ADAMTS18: variants seen among roughly 807,000 people sequenced by gnomAD.
The protein encoded by ADAMTS18 is ADAM metallopeptidase with thrombospondin type 1 motif 18.
Under a neutral mutation model 165.9 loss-of-function variants are expected in ADAMTS18, and 157 were observed. That is an observed-to-expected ratio of 0.95 (90% CI 0.83 to 1.08). The LOEUF (loss-of-function observed/expected upper bound fraction) is 1.08, where lower values mean the gene tolerates loss of function less well. ADAMTS18 is among the 50% of genes least tolerant of loss of function. ADAMTS18 has a pLI of 0.00. For missense variants in ADAMTS18, 2,040 were observed against 1,534.0 expected, an observed-to-expected ratio of 1.33 and a Z score of -5.51; for synonymous variants, 782 against 578.2, an observed-to-expected ratio of 1.35 and a Z score of -5.06.
rs1002853670 is a variant in ADAMTS18, at chr16:77,321,068, G to A, written c.2287+11C>T. ...ATCTCATTAACAATAACAAACAGCA[G>A]CATCTCTCACCATTTGCTTTATGCT... is the stretch of plus-strand genomic sequence containing the variant. On this transcript the variant is annotated intron_variant, in intron 15 of 22. Transcript: ENST00000282849. 1 of 1,614,128 alleles carries A rather than the reference G, an allele frequency of 6.2e-7. No homozygotes were observed. The highest frequency in any genetic ancestry group is 2.2e-5 in the East Asian group (1 of 44,874).
At chr16:77,362,006 G>C (rs74422079) in intron 7 of ADAMTS18, 99 bp downstream of exon 7, 3 of 1,333,598 alleles carry the variant, frequency 2.2e-6, no homozygotes, top group Non-Finnish European at 2.1e-6. Context: ...TATTATGTCT[G>C]TTTATTAAGG....
chr16:77,283,792 G>C lies in ADAMTS18; in HGVS notation c.*164C>G. 1 of 625,654 alleles carries C rather than the reference G, an allele frequency of 1.6e-6. No individual in the cohort carries two copies. The highest frequency in any genetic ancestry group is 2.9e-6 in the Non-Finnish European group (1 of 348,860). 38.8% of individuals were successfully genotyped at this position (625,654 alleles called of 1,614,324 possible). ...CCACGTGCTTCAGGGAATTGAGCTA[G>C]AAGCCTACTGGCAACCTGTCTGTTC... is the stretch of plus-strand genomic sequence containing the variant. On this transcript the variant is annotated 3_prime_UTR_variant, in exon 23 of 23. Coordinates refer to ENST00000282849, the MANE Select transcript of ADAMTS18 (RefSeq NM_199355.4).
At position 77,364,177 on chromosome 16, in the gene ADAMTS18, C is replaced by T. The variant is rs1001548466; in HGVS notation, c.972+11G>A. On this transcript the variant is annotated intron_variant, in intron 5 of 22. Coordinates refer to ENST00000282849, the MANE Select transcript of ADAMTS18 (RefSeq NM_199355.4). Reference sequence around the variant, plus strand: ...TTGGAGAGCCAGAAGGTTTGTGACACCCCCGCTTACCATGTTCATTACTGT... The same window carrying T: ...TTGGAGAGCCAGAAGGTTTGTGACATCCCCGCTTACCATGTTCATTACTGT... 6.2e-6 allele frequency: 10 copies of T among 1,613,988 alleles called. No individual in the cohort carries two copies. Among genetic ancestry groups the T allele is most frequent in the Non-Finnish European group, 8.5e-6 (10 of 1,179,952 alleles).
chr16:77,423,946 C>T (rs945076140), intron 3 of ADAMTS18, among the ~76,000 whole-genome samples: 2 of 152,158 alleles, frequency 1.3e-5, no homozygotes, highest in Non-Finnish European at 1.5e-5. Flanking sequence ...CTTCAATGGC[C>T]ATTTCCTTCC....
At chr16:77,364,524 C>T in intron 4 of ADAMTS18, 143 bp from the exon 5 acceptor site, 1 of 886,264 alleles carries the variant, frequency 1.1e-6, no homozygotes. Context: ...CTATCAGTGC[C>T]TGCCCAGGTG....
chr16:77,336,301 T>A (rs1341435871), intron 11 of ADAMTS18, among the ~76,000 whole-genome samples: 1 of 152,170 alleles, frequency 6.6e-6, no homozygotes, highest in East Asian at 1.9e-4. Flanking sequence ...AAGAAACAGT[T>A]AAGATATTAA....
intron 22 of ADAMTS18, 62 bp downstream of exon 22, chr16:77,289,202 G>A: frequency 6.3e-7 from 1 of 1,596,634 alleles, no homozygotes; most frequent in East Asian, 2.2e-5. Context: ...TACTAACAAA[G>A]TAGCCTTTGA....
chr16:77,305,388 A>C lies in ADAMTS18; in HGVS notation c.2533-4984T>G, dbSNP rs11864597. 3.0e-3 allele frequency among the ~76,000 whole-genome samples: 456 copies of C among 152,296 alleles called. 4 individuals carry two copies. The highest frequency in any genetic ancestry group is 0.01 in the African/African-American group (417 of 41,552). ...AAAAATCAGAATTTTCTCAAATCAA[A>C]TCCACCCTCAAAAACTGCTACATAA... On this transcript the variant is annotated intron_variant, in intron 16 of 22. Transcript: ENST00000282849.
rs181933682 is a variant in ADAMTS18, at chr16:77,284,417, C to T, written c.3551-346G>A. Among the ~76,000 whole-genome samples, 140 of 152,156 alleles carry T rather than the reference C, an allele frequency of 9.2e-4. 1 individual carries two copies. Among genetic ancestry groups the T allele is most frequent in the Non-Finnish European group, 1.4e-3 (92 of 67,998 alleles). Reference sequence around the variant, plus strand: ...TACTGGGATTACAGGTGTGATCCACCGGGCCCAGCCTTTGGTGATTTGCAT... The same window carrying T: ...TACTGGGATTACAGGTGTGATCCACTGGGCCCAGCCTTTGGTGATTTGCAT... On this transcript the variant is annotated intron_variant, in intron 22 of 22. Transcript: ENST00000282849.
At chr16:77,364,093 C>G in intron 5 of ADAMTS18, 95 bp downstream of exon 5, 1 of 1,511,694 alleles carries the variant, frequency 6.6e-7, no homozygotes, top group Non-Finnish European at 9.2e-7. Context: ...TACATTTGCA[C>G]CGACCTAATA....
chr16:77,382,750 A>G (rs914027078), intron 3 of ADAMTS18, among the ~76,000 whole-genome samples: 9 of 152,228 alleles, frequency 5.9e-5, no homozygotes, highest in Non-Finnish European at 1.2e-4. Context: ...CCAAGACGAC[A>G]GCTAGCATGT....
At chr16:77,364,049 T>A (rs911510419) in intron 5 of ADAMTS18, 139 bp downstream of exon 5, 7 of 1,288,510 alleles carry the variant, frequency 5.4e-6, no homozygotes, top group Non-Finnish European at 7.8e-6. Context: ...AAACCACATA[T>A]GTAGCTATTA....
At chr16:77,411,676 A>ATTTTT (rs1250113354) in intron 3 of ADAMTS18, among the ~76,000 whole-genome samples, 1 of 101,404 alleles carries the variant, frequency 9.9e-6, no homozygotes, top group Non-Finnish European at 2.1e-5. Flanking sequence ...GAGTATCCAG[A>ATTTTT]ATTTTTTTTT....
intron 16 of ADAMTS18, among the ~76,000 whole-genome samples, chr16:77,304,382 G>C (rs2055644158): frequency 1.3e-5 from 2 of 151,982 alleles, no homozygotes. Flanking sequence ...GGCTGCTTGA[G>C]CTCAGGAGTT....
chr16:77,295,382 TTTAAAATCTG>T (rs2055449571), intron 18 of ADAMTS18, among the ~76,000 whole-genome samples: 1 of 95,532 alleles, frequency 1.0e-5, no homozygotes. Flanking sequence ...TACATGCCAC[TTTAAAATCTG>T]CACAATTCAT....
chr16:77,353,918 C>T (rs1463332000), intron 9 of ADAMTS18, 32 bp from the exon 10 acceptor site: 1 of 1,613,610 alleles, frequency 6.2e-7, no homozygotes, highest in East Asian at 2.2e-5. Flanking sequence ...ATTAATTACT[C>T]TGTTGATCTG....
chr16:77,433,003 A>AT (rs1429198465), intron 2 of ADAMTS18, among the ~76,000 whole-genome samples: 4 of 152,148 alleles, frequency 2.6e-5, no homozygotes, highest in Admixed American at 6.5e-5. Flanking sequence ...ATGCTGTATA[A>AT]TTGACATACA....
chr16:77,314,785 TAAAA>T lies in ADAMTS18; in HGVS notation c.2532+5060_2532+5063del, dbSNP rs1220943559. 1.1e-4 allele frequency among the ~76,000 whole-genome samples: 10 copies of T among 87,110 alleles called. 2 individuals carry two copies. Among genetic ancestry groups the T allele is most frequent in the African/African-American group, 4.3e-4 (9 of 20,924 alleles). 57.1% of individuals were successfully genotyped at this position (87,110 alleles called of 152,430 possible). A position where few individuals can be genotyped will look rare whatever the true frequency, so the allele number is the denominator to read the frequency against. ...ATATATATATATATATATATATATA[TAAAA>T]TATATGTGATATGCTCAGAAGGCAA... On this transcript the variant is annotated intron_variant, in intron 16 of 22. Transcript: ENST00000282849.
chr16:77,284,126 T>TC (rs2055202550), intron 22 of ADAMTS18, 55 bp from the exon 23 acceptor site: 2 of 960,776 alleles, frequency 2.1e-6, no homozygotes, highest in Admixed American at 4.4e-5. Context: ...CCTTTTTCTT[T>TC]TTTTTTTTTT....
Sources: allele counts gnomAD v4.1 joint callset (sites outside exome capture counted in the v4.1 genomes callset), GRCh38; gene constraint gnomAD v4.1.1; transcripts MANE v1.5; gene names NCBI Gene and HGNC (gene_info 2026-07-23, HGNC 2026-07-21).